ADGRG4: variants seen among roughly 807,000 people sequenced by gnomAD.
The protein encoded by ADGRG4 is G protein-coupled receptor 112.
ADGRG4 carries 122 observed loss-of-function variants against 126.2 expected under a neutral mutation model. The observed-to-expected ratio is 0.97, with a 90% CI of 0.83 to 1.12. ADGRG4 has a LOEUF of 1.12. Among genes scored for constraint, ADGRG4 ranks in the 50% most tolerant of loss-of-function variants. The pLI, the probability that ADGRG4 is intolerant of heterozygous loss-of-function variation, is 0.00. For synonymous variants in ADGRG4, 943 were observed against 838.7 expected, an observed-to-expected ratio of 1.12 and a Z score of -2.15; for missense variants, 2,481 against 2,251.8, an observed-to-expected ratio of 1.10 and a Z score of -2.06.
chrX:136,414,259 C>A lies in ADGRG4; in HGVS notation c.9137C>A (p.Ala3046Glu). Residue 3046 changes from alanine to glutamate, a missense_variant, in exon 25 of 26, where the codon GCA becomes GAA. Transcript: ENST00000394143. ...TTGACGCCATCTCTCAAGTCAACTGCAACTAGCTCCACTTTCAAATCTTTA... is the reference window on the plus strand; with the variant it reads ...TTGACGCCATCTCTCAAGTCAACTGAAACTAGCTCCACTTTCAAATCTTTA... ...KLLTPSLKST[A>E]TSSTFKSLGS... 8.3e-7 allele frequency: 1 copy of A among 1,206,525 alleles called. No homozygotes were observed. The highest frequency in any genetic ancestry group is 1.1e-6 in the Non-Finnish European group (1 of 891,160).
chrX:136,361,682 C>T, intron 12 of ADGRG4, 95 bp downstream of exon 12: 6 of 574,494 alleles, frequency 1.0e-5, no homozygotes, highest in Non-Finnish European at 1.5e-5. Flanking sequence ...AGCATGCTCC[C>T]TTCCTCCACC....
chrX:136,391,407 A>G (rs1400613502), intron 16 of ADGRG4, among the ~76,000 whole-genome samples: 1 of 111,579 alleles, frequency 9.0e-6, no homozygotes, highest in Non-Finnish European at 1.9e-5. Context: ...TGGCACTGTT[A>G]GTTAGCAAGC....
chrX:136,351,576 A>T, intron 7 of ADGRG4, 35 bp downstream of exon 7: 1 of 669,111 alleles, frequency 1.5e-6, no homozygotes, highest in Non-Finnish European at 2.3e-6. Context: ...TGGCATATAT[A>T]AATATATGTG....
At chrX:136,388,544 A>G (rs1358507442) in intron 16 of ADGRG4, among the ~76,000 whole-genome samples, 1 of 111,990 alleles carries the variant, frequency 8.9e-6, no homozygotes, top group Non-Finnish European at 1.9e-5. Flanking sequence ...AGAGCTATTG[A>G]AGGATTAAAG....
At chrX:136,399,815 CTT>C in intron 20 of ADGRG4, 31 bp from the exon 21 acceptor site, 1 of 1,119,141 alleles carries the variant, frequency 8.9e-7, no homozygotes, top group Non-Finnish European at 1.2e-6. Context: ...AAAAAACAGA[CTT>C]TACCTAACAA....
intron 13 of ADGRG4, among the ~76,000 whole-genome samples, chrX:136,368,346 A>G (rs1419316193): frequency 8.9e-6 from 1 of 112,286 alleles, no homozygotes; most frequent in Non-Finnish European, 1.9e-5. Context: ...CCACCGACTC[A>G]TTCCCTCTTT....
intron 16 of ADGRG4, 140 bp from the exon 17 acceptor site, chrX:136,392,092 C>T (rs2075322481): frequency 2.2e-5 from 10 of 461,921 alleles, no homozygotes; most frequent in Non-Finnish European, 3.5e-5. Context: ...GCTGAATAAC[C>T]TTTGACCTTA....
chrX:136,326,737 A>G (rs1381986979), intron 5 of ADGRG4, among the ~76,000 whole-genome samples: 2 of 111,448 alleles, frequency 1.8e-5, no homozygotes, highest in Non-Finnish European at 3.8e-5. Context: ...ATATATGAAT[A>G]AATATGAGTG....
rs755418460 is a variant in ADGRG4 at position 136,319,380 on chromosome X, C to T, written c.71-3398C>T. ...TTTATAAACATTCTCACACACATAA[C>T]CTAAATGTTAGTTATGATTGCATCA... On this transcript the variant is annotated intron_variant, in intron 4 of 25. Coordinates refer to ENST00000394143, the MANE Select transcript of ADGRG4 (RefSeq NM_153834.4). Among the ~76,000 whole-genome samples, 6 of 112,381 alleles carry T rather than the reference C, an allele frequency of 5.3e-5. No homozygotes were observed. In the East Asian group the frequency reaches 1.7e-3, roughly 31 times the overall value.
Position 136,346,866 on chromosome X carries a change from C to A in ADGRG4, c.3160C>A (p.Leu1054Ile), listed in dbSNP as rs1469530295. ...STSVLSDVSNLSSTTMTTALV... is the reference protein window; with the variant it reads ...STSVLSDVSNISSTTMTTALV... ...ATCTGTGCTCTCAGATGTCTCAAAT[C>A]TATCCTCAACTACAATGACCACAGC... The change falls in exon 6 of 26, where the codon CTA becomes ATA. Residue 1054 changes from leucine to isoleucine, a missense_variant. Coordinates refer to ENST00000394143, the MANE Select transcript of ADGRG4 (RefSeq NM_153834.4). 4.1e-6 allele frequency: 5 copies of A among 1,208,408 alleles called. No individual in the cohort carries two copies. The highest frequency in any genetic ancestry group is 5.6e-6 in the Non-Finnish European group (5 of 893,888).
Position 136,412,289 on chromosome X carries a change from G to T in ADGRG4, c.8960G>T (p.Cys2987Phe), listed in dbSNP as rs1421807018. The T allele has an allele frequency of 1.7e-6, 2 of 1,201,949 alleles. No individual in the cohort carries two copies. Among genetic ancestry groups the T allele is most frequent in the Non-Finnish European group, 2.3e-6 (2 of 886,386 alleles). Residue 2987 changes from cysteine to phenylalanine, a missense_variant, in exon 24 of 26, where the codon TGT becomes TTT. Physicochemically the swap from Cys to Phe is radical, Grantham distance 205. Coordinates refer to ENST00000394143, the MANE Select transcript of ADGRG4 (RefSeq NM_153834.4). Reference protein sequence around the residue: ...LQGFFIFVFHCVMKESVREQW... With the variant: ...LQGFFIFVFHFVMKESVREQW... ...GGATTCTTCATTTTTGTGTTTCACT[G>T]TGTGATGAAGGAGAGTGTGCGGGAG...
intron 15 of ADGRG4, among the ~76,000 whole-genome samples, chrX:136,381,376 C>T (rs1477106392): frequency 2.7e-5 from 3 of 110,594 alleles, no homozygotes; most frequent in East Asian, 2.8e-4. Flanking sequence ...CTCAGCCTCC[C>T]GAGTAGCTGG....
rs758189170 is a variant in ADGRG4, at chrX:136,345,781, A to G, written c.2075A>G (p.Tyr692Cys). The part of the protein sequence containing the change: ...FTSAFHENTT[Y>C]TEYLSATTNI... ...TCAGCATTTCATGAGAATACTACTT[A>G]TACAGAATATTTATCCGCAACTACC... Residue 692 changes from tyrosine (Y) to cysteine (C), a missense_variant, in exon 6 of 26, where the codon TAT becomes TGT. Tyr to Cys is a radical substitution (Grantham distance 194, BLOSUM62 -2). Transcript: ENST00000394143. The G allele has an allele frequency of 8.3e-7, 1 of 1,208,321 alleles. No homozygotes were observed. The highest frequency in any genetic ancestry group is 2.2e-5 in the Admixed American group (1 of 45,692).
At chrX:136,331,485 C>T (rs2074909656) in intron 5 of ADGRG4, among the ~76,000 whole-genome samples, 1 of 112,482 alleles carries the variant, frequency 8.9e-6, no homozygotes, top group Admixed American at 9.4e-5. Context: ...GACTGTTTTA[C>T]AAAACTGTTT....
Position 136,416,880 on chromosome X carries a change from A to C in ADGRG4, c.*389A>C. The stretch of plus-strand genomic sequence containing the variant: ...ATTTGATAAATATTAAAGTCAGAAT[A>C]ATTCTCCTATTTGTCGTTATACTTA... On this transcript the variant is annotated 3_prime_UTR_variant, in exon 26 of 26. Coordinates refer to ENST00000394143, the MANE Select transcript of ADGRG4 (RefSeq NM_153834.4). The C allele has an allele frequency of 8.3e-6, 1 of 121,068 alleles. No homozygotes were observed. The highest frequency in any genetic ancestry group is 1.7e-5 in the Non-Finnish European group (1 of 58,527). The allele number at this position is 121,068 out of a possible 1,213,427, so 10.0% of individuals were successfully genotyped here. A position where few individuals can be genotyped will look rare whatever the true frequency, so the allele number is the denominator to read the frequency against.
In ADGRG4 at chrX:136,348,579, G is replaced by A. The variant is rs35928325; in HGVS notation, c.4873G>A (p.Val1625Ile). ...YAGATSKNKM[V>I]SSAFTTEMIE... ...TGGGGCTACTTCAAAAAACAAAATG[G>A]TTTCCTCTGCTTTCACTACAGAAAT... The change falls in exon 6 of 26, where the codon GTT (valine) becomes ATT (isoleucine). Residue 1625 changes from valine to isoleucine, a missense_variant. Val to Ile is a conservative substitution (Grantham distance 29, BLOSUM62 3). Transcript: ENST00000394143. The A allele has an allele frequency of 1.9e-4, 232 of 1,208,011 alleles. No individual in the cohort carries two copies. Among genetic ancestry groups the A allele is most frequent in the Non-Finnish European group, 2.4e-4 (216 of 894,430 alleles).
At chrX:136,302,501 G>A (rs955314641) in intron 1 of ADGRG4, among the ~76,000 whole-genome samples, 25 of 111,892 alleles carry the variant, frequency 2.2e-4, no homozygotes, top group African/African-American at 7.8e-4. Context: ...ATAAGTGAAC[G>A]CCTAGAGCCT....
Position 136,350,096 on chromosome X carries a change from T to C in ADGRG4, c.6390T>C (p.Thr2130=). Residue 2130 remains threonine (T), a synonymous_variant, in exon 6 of 26, where the codon ACT becomes ACC. Coordinates refer to ENST00000394143, the MANE Select transcript of ADGRG4 (RefSeq NM_153834.4). ...VSHPSSFSRK[T]MSPSTTDHTL... ...ATCCTTCATCCTTCAGCAGAAAGAC[T>C]ATGTCACCTTCTACAACTGACCACA... The C allele has an allele frequency of 8.3e-7, 1 of 1,209,109 alleles. No individual in the cohort carries two copies. Among genetic ancestry groups the C allele is most frequent in the Non-Finnish European group, 1.1e-6 (1 of 893,338 alleles).
intron 20 of ADGRG4, among the ~76,000 whole-genome samples, chrX:136,399,619 C>A (rs1044399679): frequency 1.8e-5 from 2 of 109,748 alleles, no homozygotes; most frequent in African/African-American, 6.6e-5. Context: ...AAAATAATAG[C>A]CTCTCTCAAC....
Sources: allele counts gnomAD v4.1 joint callset (sites outside exome capture counted in the v4.1 genomes callset), GRCh38; gene constraint gnomAD v4.1.1; transcripts MANE v1.5; gene names NCBI Gene and HGNC (gene_info 2026-07-23, HGNC 2026-07-21).